Variants in GABRB2 observed in about 807,000 individuals in gnomAD.
GABRB2 encodes gamma-aminobutyric acid type A receptor subunit beta2.
Under a neutral mutation model 54.7 loss-of-function variants are expected in GABRB2, and 16 were observed. The ratio of observed to expected loss-of-function variants is 0.29; its 90% confidence interval spans 0.20 to 0.44. GABRB2 has a LOEUF of 0.44. Among genes scored for constraint, GABRB2 ranks in the 20% least tolerant of loss-of-function variants. GABRB2 has a pLI of 1.00. For missense variants in GABRB2, 355 were observed against 644.0 expected (o/e 0.55, Z 4.86); for synonymous variants, 244 against 233.8 (o/e 1.04, Z -0.40).
At chr5:161,479,982 A>C (rs891677338) in intron 3 of GABRB2, among the ~76,000 whole-genome samples, 2 of 152,108 alleles carry the variant, frequency 1.3e-5, no homozygotes, top group South Asian at 2.1e-4. Context: ...ACATGTGTAC[A>C]TACACCCATA....
chr5:161,458,082 A>T (rs916079736), intron 4 of GABRB2, among the ~76,000 whole-genome samples: 5 of 152,126 alleles, frequency 3.3e-5, no homozygotes, highest in Non-Finnish European at 7.3e-5. Flanking sequence ...CTCCATGCTT[A>T]ACTTTTTAAA....
intron 5 of GABRB2, among the ~76,000 whole-genome samples, chr5:161,361,436 C>G (rs1754806451): frequency 6.6e-6 from 1 of 151,924 alleles, no homozygotes; most frequent in Non-Finnish European, 1.5e-5. Flanking sequence ...ATGATTTGAT[C>G]CAGACATATC....
chr5:161,324,102 TA>T lies in GABRB2; in HGVS notation c.1191+2265del, dbSNP rs201904038. ...ATGAATTATGGCATGCACATTCAAT[TA>T]CATATCTTATAGCTATTAGAAATGG... On this transcript the variant is annotated intron_variant, in intron 9 of 9. Coordinates refer to ENST00000393959, the MANE Select transcript of GABRB2 (RefSeq NM_001371727.1). Among the ~76,000 whole-genome samples, 1,192 of 152,306 alleles carry T rather than the reference TA, an allele frequency of 7.8e-3. 18 individuals carry two copies. The highest frequency in any genetic ancestry group is 0.026 in the African/African-American group (1,071 of 41,568).
At chr5:161,489,579 G>T (rs189070793) in intron 3 of GABRB2, among the ~76,000 whole-genome samples, 340 of 151,346 alleles carry the variant, frequency 2.2e-3, no homozygotes, top group South Asian at 7.5e-3. Context: ...CACTAGCTTA[G>T]CATCTCAGTG....
chr5:161,522,387 A>G (rs1760141518), intron 3 of GABRB2, among the ~76,000 whole-genome samples: 1 of 151,790 alleles, frequency 6.6e-6, no homozygotes, highest in Non-Finnish European at 1.5e-5. Flanking sequence ...TGGGAGGATT[A>G]TACCTCTAAA....
chr5:161,350,882 G>A (rs1459395736), intron 5 of GABRB2, among the ~76,000 whole-genome samples: 2 of 152,034 alleles, frequency 1.3e-5, no homozygotes, highest in Non-Finnish European at 2.9e-5. Flanking sequence ...TGACTCTCCA[G>A]GGGGTCTCTG....
In GABRB2 at chr5:161,529,738, C is replaced by G. The variant is rs1252557728; in HGVS notation, c.237+15489G>C. Among the ~76,000 whole-genome samples the G allele has an allele frequency of 2.0e-5, 3 of 152,000 alleles. No homozygotes were observed. The East Asian group carries it at 5.8e-4, about 29-fold the overall frequency. On this transcript the variant is annotated intron_variant, in intron 3 of 9. Coordinates refer to ENST00000393959, the MANE Select transcript of GABRB2 (RefSeq NM_001371727.1). ...AAGTTCTAATGTAATTTTTTCAAAT[C>G]TCATTTTCAATTGACCCTTCTAAAT...
chr5:161,347,853 AT>A (rs1046935425), intron 5 of GABRB2, among the ~76,000 whole-genome samples: 2 of 151,960 alleles, frequency 1.3e-5, no homozygotes, highest in African/African-American at 2.4e-5. Flanking sequence ...AAAACAAACC[AT>A]TTTTTTCCCC....
intron 3 of GABRB2, among the ~76,000 whole-genome samples, chr5:161,508,667 T>C (rs191201734): frequency 5.1e-4 from 77 of 152,136 alleles, no homozygotes; most frequent in African/African-American, 1.7e-3. Context: ...GAAAAAAGAC[T>C]GAGTCTGTGG....
Position 161,316,630 on chromosome 5 carries a change from T to C in GABRB2, c.1191+9738A>G, listed in dbSNP as rs534140164. On this transcript the variant is annotated intron_variant, in intron 9 of 9. Transcript: ENST00000393959. Reference sequence around the variant, plus strand: ...TTCATTCTTTCTTTCTTTTTTGACATAGAGTCTCACTCTGTTGCCCAGGCT... The same window carrying C: ...TTCATTCTTTCTTTCTTTTTTGACACAGAGTCTCACTCTGTTGCCCAGGCT... Among the ~76,000 whole-genome samples, 115 of 152,128 alleles carry C rather than the reference T, an allele frequency of 7.6e-4. 1 individual carries two copies. Among genetic ancestry groups the C allele is most frequent in the South Asian group, 1.9e-3 (9 of 4,814 alleles).
chr5:161,343,243 C>T (rs899390940), intron 5 of GABRB2, among the ~76,000 whole-genome samples: 2 of 151,828 alleles, frequency 1.3e-5, no homozygotes, highest in African/African-American at 4.8e-5. Flanking sequence ...CAAATCATTT[C>T]TAGACCTCAA....
chr5:161,540,831 G>T (rs1760788104), intron 3 of GABRB2, among the ~76,000 whole-genome samples: 1 of 151,784 alleles, frequency 6.6e-6, no homozygotes, highest in Non-Finnish European at 1.5e-5. Context: ...TTTTCTAATT[G>T]TAATCTCATT....
chr5:161,531,053 T>A (rs1481808034), intron 3 of GABRB2, among the ~76,000 whole-genome samples: 2 of 152,156 alleles, frequency 1.3e-5, no homozygotes, highest in Non-Finnish European at 2.9e-5. Context: ...GTCCTGAAGT[T>A]TCTTTGTCTG....
rs138482933 is a variant in GABRB2 at position 161,437,828 on chromosome 5, G to A, written c.458+21796C>T. 3.0e-4 allele frequency among the ~76,000 whole-genome samples: 45 copies of A among 152,314 alleles called. No homozygotes were observed. The East Asian group carries it at 5.4e-3, about 18-fold the overall frequency. On this transcript the variant is annotated intron_variant, in intron 4 of 9. Coordinates refer to ENST00000393959, the MANE Select transcript of GABRB2 (RefSeq NM_001371727.1). ...TATCCTGCCATTGGATAAGGGGAGG[G>A]AAGGGTAGGAAAGACTGTGTCTTAT...
intron 5 of GABRB2, among the ~76,000 whole-genome samples, chr5:161,337,633 C>T (rs1285861560): frequency 1.1e-4 from 16 of 152,030 alleles, no homozygotes; most frequent in Admixed American, 9.8e-4. Flanking sequence ...GGGTGGAGTA[C>T]AATCTTAAGA....
intron 3 of GABRB2, among the ~76,000 whole-genome samples, chr5:161,466,518 C>CA (rs962010858): frequency 1.3e-5 from 2 of 150,986 alleles, no homozygotes; most frequent in Non-Finnish European, 3.0e-5. Context: ...TAAGACAAAC[C>CA]AAAAAAAAGG....
chr5:161,538,837 A>T (rs1290512695), intron 3 of GABRB2, among the ~76,000 whole-genome samples: 3 of 152,132 alleles, frequency 2.0e-5, no homozygotes, highest in Non-Finnish European at 4.4e-5. Flanking sequence ...AAAAAAAAAA[A>T]AGTAAACACC....
At chr5:161,459,275 C>T (rs1418092927) in intron 4 of GABRB2, 1 of 267,932 alleles carries the variant, frequency 3.7e-6, no homozygotes, top group South Asian at 4.7e-5. Context: ...CAAAACACAG[C>T]ATCTCCCATA....
intron 5 of GABRB2, among the ~76,000 whole-genome samples, chr5:161,368,255 C>A (rs1284647542): frequency 6.6e-6 from 1 of 152,002 alleles, no homozygotes; most frequent in Admixed American, 6.6e-5. Context: ...AAAATACACA[C>A]AAGGAAGCAA....
Sources: gnomAD v4.1 joint callset for allele counts (sites outside exome capture counted in the v4.1 genomes callset) on GRCh38, gnomAD v4.1.1 for gene constraint, MANE v1.5 for transcripts, NCBI Gene and HGNC (gene_info 2026-07-23, HGNC 2026-07-21) for gene names.